The following SEPTIN11 variants were observed in gnomAD, a reference collection of about 807,000 sequenced individuals.
The protein encoded by SEPTIN11 is septin 11.
In SEPTIN11, 25 loss-of-function variants were observed where a neutral mutation model predicts 51.4. The observed-to-expected ratio is 0.49, with a 90% CI of 0.35 to 0.68. SEPTIN11 has a LOEUF of 0.68. Among genes scored for constraint, SEPTIN11 ranks in the 30% least tolerant of loss-of-function variants. The pLI is 0.00. For synonymous variants in SEPTIN11, 174 were observed against 184.1 expected (o/e 0.95, Z 0.44); for missense variants, 381 against 520.8 (o/e 0.73, Z 2.61).
rs1047824560 is a variant in SEPTIN11, at chr4:77,035,878, C to G, written c.*1366C>G. ...TTCATCTGTGTGATTGTTTTTTCCC[C>G]TCTACTAACAAGATCCTCCCAGCTT... On this transcript the variant is annotated 3_prime_UTR_variant, in exon 10 of 10. Coordinates refer to ENST00000264893, the MANE Select transcript of SEPTIN11 (RefSeq NM_018243.4). 17 of 985,734 alleles carry G rather than the reference C, an allele frequency of 1.7e-5. No individual in the cohort carries two copies. The highest frequency in any genetic ancestry group is 2.0e-5 in the Non-Finnish European group (17 of 829,954). 61.1% of individuals were successfully genotyped at this position (985,734 alleles called of 1,614,324 possible).
At chr4:76,951,486 G>C (rs1480779919) in intron 1 of SEPTIN11, among the ~76,000 whole-genome samples, 1 of 151,750 alleles carries the variant, frequency 6.6e-6, no homozygotes, top group Non-Finnish European at 1.5e-5. Flanking sequence ...TTTTATTTTT[G>C]GTGAGAAAAT....
chr4:77,000,198 C>T (rs1030460681), intron 2 of SEPTIN11, among the ~76,000 whole-genome samples: 1 of 152,122 alleles, frequency 6.6e-6, no homozygotes, highest in South Asian at 2.1e-4. Flanking sequence ...GAAAATTTGT[C>T]CACAATTCAA....
At chr4:76,959,789 G>GT (rs1721748383) in intron 1 of SEPTIN11, among the ~76,000 whole-genome samples, 1 of 152,192 alleles carries the variant, frequency 6.6e-6, no homozygotes, top group Non-Finnish European at 1.5e-5. Context: ...ACATTGAACA[G>GT]TTTTAAGGAT....
chr4:76,995,203 G>T (rs986984864), intron 1 of SEPTIN11, among the ~76,000 whole-genome samples: 1 of 151,304 alleles, frequency 6.6e-6, no homozygotes, highest in African/African-American at 2.4e-5. Context: ...CTAACATGGT[G>T]AAACCCTGTC....
chr4:77,001,350 CTT>C (rs35682077), intron 2 of SEPTIN11, among the ~76,000 whole-genome samples: 287 of 148,198 alleles, frequency 1.9e-3, no homozygotes, highest in African/African-American at 5.2e-3. Context: ...TTTCAATTAA[CTT>C]TTTTTTTTTT....
rs536694958 is a variant in SEPTIN11 at position 77,037,174 on chromosome 4, G to A, written c.*2662G>A. 1.3e-5 allele frequency: 9 copies of A among 681,062 alleles called. No individual in the cohort carries two copies. The highest frequency in any genetic ancestry group is 1.2e-4 in the African/African-American group (6 of 51,176). The allele number at this position is 681,062 out of a possible 1,614,324, so 42.2% of individuals were successfully genotyped here. ...GCCTGGAGTTCAAGACCACCTTGGC[G>A]AACACGGTGAAACCCCGTCTCTACA... On this transcript the variant is annotated 3_prime_UTR_variant, in exon 10 of 10. Coordinates refer to ENST00000264893, the MANE Select transcript of SEPTIN11 (RefSeq NM_018243.4).
At position 77,036,591 on chromosome 4, in the gene SEPTIN11, C is replaced by T; in HGVS notation, c.*2079C>T. 1 of 1,426,812 alleles carries T rather than the reference C, an allele frequency of 7.0e-7. No homozygotes were observed. The highest frequency in any genetic ancestry group is 1.5e-5 in the South Asian group (1 of 66,586). The allele number at this position is 1,426,812 out of a possible 1,614,324, so 88.4% of individuals were successfully genotyped here. ...TGACTTTTTTGCATTAAATTTTTCC[C>T]AGCAAAATAAATCATATGGCGAGTC... On this transcript the variant is annotated 3_prime_UTR_variant, in exon 10 of 10. Coordinates refer to ENST00000264893, the MANE Select transcript of SEPTIN11 (RefSeq NM_018243.4).
chr4:77,016,995 C>T (rs962792850), intron 5 of SEPTIN11, among the ~76,000 whole-genome samples: 29 of 152,052 alleles, frequency 1.9e-4, no homozygotes, highest in African/African-American at 4.3e-4. Context: ...GTCCTGGAAC[C>T]GGTACCCTGT....
intron 1 of SEPTIN11, among the ~76,000 whole-genome samples, chr4:76,960,033 C>T (rs181350538): frequency 6.6e-6 from 1 of 152,178 alleles, no homozygotes; most frequent in East Asian, 1.9e-4. Context: ...TAAATGTACC[C>T]CAAGAGTTTT....
intron 4 of SEPTIN11, among the ~76,000 whole-genome samples, chr4:77,012,589 G>C (rs35013553): frequency 6.6e-6 from 1 of 152,120 alleles, no homozygotes; most frequent in Non-Finnish European, 1.5e-5. Context: ...GGTATTTACC[G>C]TTAGATTCAA....
At chr4:77,019,283 T>C (rs1389489993) in intron 6 of SEPTIN11, 22 bp downstream of exon 6, 1 of 1,574,846 alleles carries the variant, frequency 6.3e-7, no homozygotes, top group Non-Finnish European at 8.7e-7. Context: ...GCATGGGAGA[T>C]GGAGTCTTCA....
intron 1 of SEPTIN11, among the ~76,000 whole-genome samples, chr4:76,951,108 C>G (rs1439761050): frequency 6.6e-6 from 1 of 152,144 alleles, no homozygotes; most frequent in Non-Finnish European, 1.5e-5. Flanking sequence ...TCGGAAATCC[C>G]AGAAATGCAA....
chr4:76,962,876 A>C lies in SEPTIN11; in HGVS notation c.27+12946A>C, dbSNP rs543878128. Among the ~76,000 whole-genome samples, 10 of 152,304 alleles carry C rather than the reference A, an allele frequency of 6.6e-5. No individual in the cohort carries two copies. In the South Asian group the frequency reaches 2.1e-3, roughly 32 times the overall value. On this transcript the variant is annotated intron_variant, in intron 1 of 9. Coordinates refer to ENST00000264893, the MANE Select transcript of SEPTIN11 (RefSeq NM_018243.4). The stretch of plus-strand genomic sequence containing the variant: ...CCCACATGGGATAATGGATAACTTA[A>C]AGATGTACTCAATCTGTCCGGGAAG...
intron 5 of SEPTIN11, among the ~76,000 whole-genome samples, chr4:77,017,646 T>C (rs1411644054): frequency 3.3e-5 from 5 of 152,248 alleles, no homozygotes; most frequent in African/African-American, 4.8e-5. Flanking sequence ...CCAATGATTA[T>C]GCCAAGTTCT....
chr4:76,952,954 C>T (rs543143067), intron 1 of SEPTIN11, among the ~76,000 whole-genome samples: 1 of 152,188 alleles, frequency 6.6e-6, no homozygotes, highest in Non-Finnish European at 1.5e-5. Context: ...ATGGCCTCTC[C>T]TAAGCTGTGG....
downstream of SEPTIN11, chr4:77,039,894 G>A (rs1285865760): frequency 8.3e-6 from 2 of 240,718 alleles, no homozygotes; most frequent in East Asian, 1.8e-4. Flanking sequence ...AAAAACTCCA[G>A]TTAGTTCTGT....
chr4:77,026,013 A>T (rs1726111143), intron 7 of SEPTIN11, among the ~76,000 whole-genome samples: 1 of 152,210 alleles, frequency 6.6e-6, no homozygotes. Context: ...CACTATAAAA[A>T]GCATTTTCCA....
At chr4:76,995,882 A>AT (rs1021205324) in intron 1 of SEPTIN11, 2 of 1,535,496 alleles carry the variant, frequency 1.3e-6, no homozygotes, top group African/African-American at 2.7e-5. Flanking sequence ...TGTAAAACTA[A>AT]TGGAGGAGAG....
In SEPTIN11 at chr4:76,949,762, C is replaced by T. The variant is rs747828120; in HGVS notation, c.-142C>T. 7.1e-6 allele frequency: 6 copies of T among 841,310 alleles called. 1 individual carries two copies. The highest frequency in any genetic ancestry group is 8.8e-6 in the Non-Finnish European group (5 of 566,840). 52.1% of individuals were successfully genotyped at this position (841,310 alleles called of 1,614,324 possible). On this transcript the variant is annotated 5_prime_UTR_variant, in exon 1 of 10. Transcript: ENST00000264893. ...GCGGCGGCGTGGGGGGAGCAGATGC[C>T]GCTGGCTGCCAGCGGGACGCCGGCG...
Sources: gnomAD v4.1 joint callset for allele counts (sites outside exome capture counted in the v4.1 genomes callset) on GRCh38, gnomAD v4.1.1 for gene constraint, MANE v1.5 for transcripts, NCBI Gene and HGNC (gene_info 2026-07-23, HGNC 2026-07-21) for gene names.